Variants in VPS35L observed in about 807,000 individuals in gnomAD.
VPS35L encodes the protein VPS35 endosomal protein-sorting factor-like.
A neutral mutation model predicts 133.0 loss-of-function variants in VPS35L; 83 were observed. The ratio of observed to expected loss-of-function variants is 0.62; its 90% confidence interval spans 0.52 to 0.75. The LOEUF (loss-of-function observed/expected upper bound fraction) is 0.75, where lower values mean the gene tolerates loss of function less well. VPS35L is among the 30% of genes least tolerant of loss of function. VPS35L has a pLI of 0.00. For synonymous variants in VPS35L, 423 were observed against 449.9 expected (o/e 0.94, Z 0.76); for missense variants, 1,083 against 1,206.8 (o/e 0.90, Z 1.52).
intron 26 of VPS35L, among the ~76,000 whole-genome samples, chr16:19,664,584 A>G (rs1275164777): frequency 6.6e-6 from 1 of 151,950 alleles, no homozygotes; most frequent in East Asian, 1.9e-4. Context: ...GCAGAAAAAA[A>G]AAAAAGGTAT....
Position 19,698,337 on chromosome 16 carries a change from CCTT to C in VPS35L, c.2647-1160_2647-1158del, listed in dbSNP as rs1422234573. Among the ~76,000 whole-genome samples the C allele has an allele frequency of 4.6e-5, 7 of 152,264 alleles. No homozygotes were observed. In the East Asian group the frequency reaches 1.2e-3, roughly 25 times the overall value. On this transcript the variant is annotated intron_variant, in intron 29 of 30. Transcript: ENST00000417362. The stretch of plus-strand genomic sequence containing the variant: ...CCTCATGCCTTGAATCTCTGGCTTC[CCTT>C]CTTCCTCCTCTTTCCTGTTTTTCTC...
At chr16:19,565,026 C>T (rs909624699) in intron 2 of VPS35L, 76 bp downstream of exon 2, 86 of 1,221,124 alleles carry the variant, frequency 7.0e-5, no homozygotes, top group Non-Finnish European at 9.3e-5. Context: ...GAGTCTTTTC[C>T]GTTTTGCCAG....
chr16:19,654,726 C>T (rs9937808), intron 26 of VPS35L, among the ~76,000 whole-genome samples: 19,602 of 151,902 alleles, frequency 0.13, 2,002 homozygotes, highest in African/African-American at 0.27. Flanking sequence ...AATGGTGGAC[C>T]TAGGTAGGCA....
chr16:19,688,505 A>T (rs1408879919), intron 28 of VPS35L, among the ~76,000 whole-genome samples: 1 of 152,228 alleles, frequency 6.6e-6, no homozygotes. Context: ...CCCGAGGCAC[A>T]GGCATGGCTC....
At chr16:19,595,963 G>A (rs9941235) in intron 8 of VPS35L, among the ~76,000 whole-genome samples, 3,902 of 152,230 alleles carry the variant, frequency 0.026, 177 homozygotes, top group African/African-American at 0.09. Flanking sequence ...GGCCAATATG[G>A]TGAAACCTCG....
chr16:19,610,620 G>A, intron 12 of VPS35L: 1 of 414,218 alleles, frequency 2.4e-6, no homozygotes. Context: ...CCAACTTACT[G>A]TAGCTCTAAT....
At chr16:19,672,200 C>T (rs939790259) in intron 27 of VPS35L, among the ~76,000 whole-genome samples, 3 of 152,150 alleles carry the variant, frequency 2.0e-5, no homozygotes, top group Admixed American at 1.3e-4. Context: ...CAATCCTCCT[C>T]CCTCACCCTC....
intron 27 of VPS35L, among the ~76,000 whole-genome samples, chr16:19,679,508 TTTA>T (rs1567481516): frequency 3.3e-5 from 4 of 121,698 alleles, no homozygotes; most frequent in Non-Finnish European, 4.8e-5. Flanking sequence ...TATTTATTTA[TTTA>T]TTTATTTTTT....
At chr16:19,605,221 C>G (rs1972503981) in intron 9 of VPS35L, among the ~76,000 whole-genome samples, 1 of 152,144 alleles carries the variant, frequency 6.6e-6, no homozygotes, top group Non-Finnish European at 1.5e-5. Context: ...CCTGCCTTCT[C>G]TTAAAATACC....
rs113172921 is a variant in VPS35L, at chr16:19,646,521, C to G, written c.1930-1263C>G. On this transcript the variant is annotated intron_variant, in intron 23 of 30. Coordinates refer to ENST00000417362, the MANE Select transcript of VPS35L (RefSeq NM_020314.7). ...TCTCTGCTAAAAATACAAAATTAGCCGGGTGTTGTGGTGCATGCCTGTAAT... is the reference window on the plus strand; with the variant it reads ...TCTCTGCTAAAAATACAAAATTAGCGGGGTGTTGTGGTGCATGCCTGTAAT... Among the ~76,000 whole-genome samples the G allele has an allele frequency of 2.4e-3, 368 of 151,902 alleles. 1 individual carries two copies. The highest frequency in any genetic ancestry group is 0.024 in the Middle Eastern group (7 of 294).
intron 14 of VPS35L, among the ~76,000 whole-genome samples, chr16:19,619,383 T>C: frequency 6.6e-6 from 1 of 152,264 alleles, no homozygotes; most frequent in Non-Finnish European, 1.5e-5. Flanking sequence ...ATCAAGCCAG[T>C]ATAAAGGAAA....
At chr16:19,673,912 C>T (rs2151609456) in intron 27 of VPS35L, among the ~76,000 whole-genome samples, 1 of 152,280 alleles carries the variant, frequency 6.6e-6, no homozygotes, top group Non-Finnish European at 1.5e-5. Context: ...CAGAGCCTGT[C>T]CTGCATGACT....
chr16:19,626,940 C>G (rs1441562275), intron 15 of VPS35L, among the ~76,000 whole-genome samples: 1 of 152,040 alleles, frequency 6.6e-6, no homozygotes, highest in Non-Finnish European at 1.5e-5. Flanking sequence ...ACCACTGTGT[C>G]CCCTGTGCCT....
intron 1 of VPS35L, among the ~76,000 whole-genome samples, chr16:19,563,601 C>T (rs1249232562): frequency 6.6e-6 from 1 of 152,144 alleles, no homozygotes; most frequent in Non-Finnish European, 1.5e-5. Flanking sequence ...TTCTGCCTGT[C>T]GTCCTGTTCT....
At chr16:19,653,700 C>T (rs72767592) in intron 26 of VPS35L, among the ~76,000 whole-genome samples, 32,327 of 152,196 alleles carry the variant, frequency 0.21, 4,054 homozygotes, top group Non-Finnish European at 0.27. Flanking sequence ...CCAAGGCTGG[C>T]GCCTCACCAC....
rs141815613 is a variant in VPS35L, at chr16:19,555,735, C to T, written c.6C>T (p.Ala2=). 27 of 1,587,186 alleles carry T rather than the reference C, an allele frequency of 1.7e-5. No homozygotes were observed. The East Asian group carries it at 4.3e-4, about 25-fold the overall frequency. ...GCGGTCATGTGACTGGGAAGATGGC[C>T]GTCTTTCCTTGGTAAGGAAGCAGCG... The part of the protein sequence containing the change: M[A]VFPWHSRNRN... Residue 2 remains alanine, a synonymous_variant, in exon 1 of 31, where the codon GCC becomes GCT. Coordinates refer to ENST00000417362, the MANE Select transcript of VPS35L (RefSeq NM_020314.7).
At chr16:19,693,223 C>T (rs1183542337) in intron 29 of VPS35L, among the ~76,000 whole-genome samples, 9 of 151,918 alleles carry the variant, frequency 5.9e-5, no homozygotes, top group South Asian at 2.1e-4. Context: ...GAGTATCAGA[C>T]GAGGCAACTC....
At chr16:19,608,461 C>T (rs576527186) in intron 10 of VPS35L, 187 bp downstream of exon 10, 117 of 539,678 alleles carry the variant, frequency 2.2e-4, no homozygotes, top group Non-Finnish European at 3.2e-4. Context: ...CTTGCTCTTT[C>T]CAGTTTTTTG....
chr16:19,650,520 G>C, intron 25 of VPS35L, 61 bp downstream of exon 25: 1 of 1,305,234 alleles, frequency 7.7e-7, no homozygotes, highest in South Asian at 1.2e-5. Flanking sequence ...TAGTTTGCAG[G>C]TTACTAAATT....
Sources: allele counts gnomAD v4.1 joint callset (sites outside exome capture counted in the v4.1 genomes callset), GRCh38; gene constraint gnomAD v4.1.1; transcripts MANE v1.5; gene names NCBI Gene and HGNC (gene_info 2026-07-23, HGNC 2026-07-21).